Variants in INPP4B observed in about 807,000 individuals in gnomAD.
INPP4B encodes the protein inositol polyphosphate-4-phosphatase type II B.
Under a neutral mutation model 122.5 loss-of-function variants are expected in INPP4B, and 55 were observed. The observed-to-expected ratio is 0.45, with a 90% CI of 0.36 to 0.56. The LOEUF (loss-of-function observed/expected upper bound fraction) is 0.56, where lower values mean the gene tolerates loss of function less well. Among genes scored for constraint, INPP4B ranks in the 20% least tolerant of loss-of-function variants. The pLI, the probability that INPP4B is intolerant of heterozygous loss-of-function variation, is 0.00. For missense variants in INPP4B, 1,000 were observed against 1,097.7 expected, an observed-to-expected ratio of 0.91 and a Z score of 1.26; for synonymous variants, 403 against 388.7, an observed-to-expected ratio of 1.04 and a Z score of -0.43.
chr4:142,297,555 C>T (rs554148768), intron 9 of INPP4B, among the ~76,000 whole-genome samples: 13 of 152,282 alleles, frequency 8.5e-5, no homozygotes, highest in African/African-American at 2.4e-4. Context: ...TTCTCACCTT[C>T]GCCATGTGAG....
chr4:142,806,764 G>GAAGAAAGA (rs796400415), intron 1 of INPP4B, among the ~76,000 whole-genome samples: 6 of 39,110 alleles, frequency 1.5e-4, no homozygotes, highest in African/African-American at 3.2e-4. Context: ...GAAGAAGAAA[G>GAAGAAAGA]AAGAAAGAAA....
chr4:142,158,180 T>C (rs1489962779), intron 17 of INPP4B, among the ~76,000 whole-genome samples: 1 of 152,086 alleles, frequency 6.6e-6, no homozygotes, highest in African/African-American at 2.4e-5. Flanking sequence ...TCTCTGTATG[T>C]CAGCTATTAT....
At chr4:142,782,310 A>G (rs1324106580) in intron 1 of INPP4B, among the ~76,000 whole-genome samples, 1 of 150,344 alleles carries the variant, frequency 6.7e-6, no homozygotes, top group Non-Finnish European at 1.5e-5. Flanking sequence ...AAGGACATGA[A>G]CTCATCATTT....
chr4:142,352,125 G>T lies in INPP4B; in HGVS notation c.373-37363C>A, dbSNP rs190956412. Among the ~76,000 whole-genome samples the T allele has an allele frequency of 4.9e-3, 749 of 151,942 alleles. 4 individuals carry two copies. Among genetic ancestry groups the T allele is most frequent in the Middle Eastern group, 0.014 (4 of 294 alleles). On this transcript the variant is annotated intron_variant, in intron 7 of 25. Coordinates refer to ENST00000262992, the MANE Select transcript of INPP4B (RefSeq NM_001101669.3). ...TTCTTCCTCTGGTTGGCCAAATAGT[G>T]TGTTTTTCCCTCCTGTCTGCCCAGC...
intron 12 of INPP4B, among the ~76,000 whole-genome samples, chr4:142,230,996 C>T (rs1190902511): frequency 6.6e-6 from 1 of 152,150 alleles, no homozygotes; most frequent in Non-Finnish European, 1.5e-5. Flanking sequence ...TCAAAAACTG[C>T]TATGTTTCAA....
intron 9 of INPP4B, among the ~76,000 whole-genome samples, chr4:142,276,224 C>T (rs986259418): frequency 6.6e-6 from 1 of 151,704 alleles, no homozygotes; most frequent in Non-Finnish European, 1.5e-5. Context: ...CTGTTCCTTC[C>T]ATTTCATTCA....
At chr4:142,313,518 G>A (rs1766344727) in intron 8 of INPP4B, among the ~76,000 whole-genome samples, 1 of 152,192 alleles carries the variant, frequency 6.6e-6, no homozygotes. Context: ...TGAGCCCTGA[G>A]CTGTGGAAGG....
At position 142,086,247 on chromosome 4, in the gene INPP4B, T is replaced by C; in HGVS notation, c.2384A>G (p.His795Arg). The stretch of plus-strand genomic sequence containing the variant: ...TTTTAAATCATTTTGTTCCTGAAAA[T>C]GTGAAATATCTGAAGGGGAAAAAAC... The part of the protein sequence containing the change: ...MEKMPPDYIS[H>R]FQEQNDLKAL... The change falls in exon 24 of 26, where the codon CAT becomes CGT. Residue 795 changes from histidine (H) to arginine (R), a missense_variant. Coordinates refer to ENST00000262992, the MANE Select transcript of INPP4B (RefSeq NM_001101669.3). The C allele has an allele frequency of 6.5e-7, 1 of 1,531,362 alleles. No individual in the cohort carries two copies. Among genetic ancestry groups the C allele is most frequent in the Non-Finnish European group, 9.0e-7 (1 of 1,105,020 alleles). 94.9% of individuals were successfully genotyped at this position (1,531,362 alleles called of 1,614,324 possible).
At chr4:142,409,394 G>A (rs1804132570) in intron 5 of INPP4B, among the ~76,000 whole-genome samples, 1 of 152,162 alleles carries the variant, frequency 6.6e-6, no homozygotes. Flanking sequence ...TCGGAGGGCT[G>A]AGGTGGGAGA....
chr4:142,606,232 T>C (rs1741236069), intron 2 of INPP4B, among the ~76,000 whole-genome samples: 1 of 151,592 alleles, frequency 6.6e-6, no homozygotes, highest in Non-Finnish European at 1.5e-5. Context: ...ACTAGAATGA[T>C]AGATATCAGA....
chr4:142,346,434 T>C (rs1003411387), intron 7 of INPP4B, among the ~76,000 whole-genome samples: 8 of 151,718 alleles, frequency 5.3e-5, no homozygotes, highest in Non-Finnish European at 1.2e-4. Context: ...TAACAAGAAA[T>C]AAGAGAAATG....
At chr4:142,794,281 A>C (rs1776941545) in intron 1 of INPP4B, among the ~76,000 whole-genome samples, 1 of 152,072 alleles carries the variant, frequency 6.6e-6, no homozygotes, top group Non-Finnish European at 1.5e-5. Context: ...CTGTAGTTTA[A>C]GATGGTGGAG....
chr4:142,545,739 A>ATGTGTATATATATACACATGTATATG, intron 2 of INPP4B, among the ~76,000 whole-genome samples: 1 of 112,760 alleles, frequency 8.9e-6, no homozygotes, highest in African/African-American at 4.0e-5. Flanking sequence ...ATACACATAT[A>ATGTGTATATATATACACATGTATATG]TGTGTATATA....
At chr4:142,067,915 T>A (rs1048089461) in intron 25 of INPP4B, among the ~76,000 whole-genome samples, 3 of 152,132 alleles carry the variant, frequency 2.0e-5, no homozygotes, top group African/African-American at 7.2e-5. Context: ...CTGCAGGATA[T>A]TATCCAGGAG....
intron 23 of INPP4B, among the ~76,000 whole-genome samples, chr4:142,107,181 C>T (rs1787578470): frequency 6.6e-6 from 1 of 152,010 alleles, no homozygotes. Context: ...CACACATGGG[C>T]ACGCATATGC....
chr4:142,410,173 T>G (rs1300490828), intron 5 of INPP4B, among the ~76,000 whole-genome samples: 1 of 152,216 alleles, frequency 6.6e-6, no homozygotes, highest in African/African-American at 2.4e-5. Context: ...CAACTGTTCA[T>G]TCAGGTGCTT....
At chr4:142,670,165 A>T (rs1756786154) in intron 2 of INPP4B, among the ~76,000 whole-genome samples, 1 of 152,186 alleles carries the variant, frequency 6.6e-6, no homozygotes, top group African/African-American at 2.4e-5. Flanking sequence ...GATCAAAAAA[A>T]CATAGTATGT....
intron 2 of INPP4B, among the ~76,000 whole-genome samples, chr4:142,537,400 GTATATA>G (rs34425745): frequency 4.1e-3 from 135 of 32,974 alleles, no homozygotes; most frequent in African/African-American, 7.6e-3. Context: ...TTTACATACA[GTATATA>G]TATATATATA....
At chr4:142,513,827 CAT>C (rs1265054478) in intron 2 of INPP4B, among the ~76,000 whole-genome samples, 3 of 152,168 alleles carry the variant, frequency 2.0e-5, no homozygotes, top group East Asian at 1.9e-4. Context: ...AGGATTTAAA[CAT>C]ATGAATTCTA....
Sources: allele counts gnomAD v4.1 joint callset (sites outside exome capture counted in the v4.1 genomes callset), GRCh38; gene constraint gnomAD v4.1.1; transcripts MANE v1.5; gene names NCBI Gene and HGNC (gene_info 2026-07-23, HGNC 2026-07-21).